The following HAS2 variants were observed in gnomAD, a reference collection of about 807,000 sequenced individuals.
The protein encoded by HAS2 is HA synthase 2.
In HAS2, 16 loss-of-function variants were observed where a neutral mutation model predicts 51.6. The ratio of observed to expected loss-of-function variants is 0.31; its 90% CI spans 0.21 to 0.47. The LOEUF is 0.47. Ranked by LOEUF, HAS2 falls within the 20% of genes least tolerant of loss-of-function variation. The probability of loss-of-function intolerance (pLI) is 1.00; values close to 1 mark genes in which losing one functional copy is unlikely to be tolerated. For synonymous variants in HAS2, 228 were observed against 235.5 expected (o/e 0.97, Z 0.29); for missense variants, 361 against 662.6 (o/e 0.54, Z 5.00).
chr8:121,637,822 C>T (rs1813032129), intron 1 of HAS2, among the ~76,000 whole-genome samples: 1 of 152,158 alleles, frequency 6.6e-6, no homozygotes. Flanking sequence ...TGTTGGCATA[C>T]CAGCTGCCAC....
intron 2 of HAS2, among the ~76,000 whole-genome samples, chr8:121,625,049 G>GAT (rs1468944926): frequency 7.6e-6 from 1 of 131,222 alleles, no homozygotes; most frequent in African/African-American, 2.9e-5. Context: ...AGTGAGCCAA[G>GAT]ATAGCGCCAC....
At chr8:121,628,623 G>A in intron 2 of HAS2, 91 bp downstream of exon 2, 1 of 1,137,732 alleles carries the variant, frequency 8.8e-7, no homozygotes, top group East Asian at 2.3e-5. Context: ...GTTCAGAAGG[G>A]ACAAGGATGG....
chr8:121,636,195 G>T (rs1345405199), intron 1 of HAS2, among the ~76,000 whole-genome samples: 2 of 152,178 alleles, frequency 1.3e-5, no homozygotes, highest in Non-Finnish European at 1.5e-5. Flanking sequence ...CAACCACTAG[G>T]TTAAAGTAAA....
In HAS2 at chr8:121,641,158, C is replaced by CTTTTTTTTTTTTTTTTTTTTTTTTTTT. The variant is rs71573616; in HGVS notation, c.-307_-306insAAAAAAAAAAAAAAAAAAAAAAAAAAA. The CTTTTTTTTTTTTTTTTTTTTTTTTTTT allele has an allele frequency of 7.0e-5, 4 of 57,016 alleles. No homozygotes were observed. Among genetic ancestry groups the CTTTTTTTTTTTTTTTTTTTTTTTTTTT allele is most frequent in the African/African-American group, 1.3e-4 (2 of 14,904 alleles). The allele number at this position is 57,016 out of a possible 1,614,324, so 3.5% of individuals were successfully genotyped here. On this transcript the variant is annotated 5_prime_UTR_variant, in exon 1 of 4. Coordinates refer to ENST00000303924, the MANE Select transcript of HAS2 (RefSeq NM_005328.3). ...TAACTTTTCTTTTTTCTTTTCTTTTCTTTTTTTTTTTTTTTTTTTTTTGGG... is the reference window on the plus strand; with the variant it reads ...TAACTTTTCTTTTTTCTTTTCTTTTCTTTTTTTTTTTTTTTTTTTTTTTTTTTTTTTTTTTTTTTTTTTTTTTTTGGG...
chr8:121,615,474 G>A (rs1213512963), intron 3 of HAS2, among the ~76,000 whole-genome samples: 2 of 152,000 alleles, frequency 1.3e-5, no homozygotes, highest in Non-Finnish European at 2.9e-5. Flanking sequence ...ACAGGTGCGC[G>A]CCACCAGGCC....
chr8:121,634,190 G>C (rs569640429), intron 1 of HAS2, among the ~76,000 whole-genome samples: 1 of 152,006 alleles, frequency 6.6e-6, no homozygotes, highest in Non-Finnish European at 1.5e-5. Context: ...TGATCCACCC[G>C]CCTCGGCCTC....
intron 1 of HAS2, among the ~76,000 whole-genome samples, chr8:121,633,183 G>A (rs1461602053): frequency 7.0e-6 from 1 of 143,332 alleles, no homozygotes; most frequent in Non-Finnish European, 1.5e-5. Flanking sequence ...TGTCACCCAG[G>A]TTCCCATGCT....
In HAS2 at chr8:121,617,216, A is replaced by C. The variant is rs1217346783; in HGVS notation, c.628-10T>G. ...TGTCTGAATCACAAACCTGCAAAGA[A>C]GCAAATGAAAAATGAGTTAAAGAAA... is the stretch of plus-strand genomic sequence containing the variant. On this transcript the variant is annotated splice_polypyrimidine_tract_variant and intron_variant, in intron 2 of 3. Transcript: ENST00000303924. 1 of 1,527,280 alleles carries C rather than the reference A, an allele frequency of 6.5e-7. No homozygotes were observed. Among genetic ancestry groups the C allele is most frequent in the African/African-American group, 1.4e-5 (1 of 72,470 alleles). The allele number at this position is 1,527,280 out of a possible 1,614,324, so 94.6% of individuals were successfully genotyped here.
At chr8:121,622,534 T>G (rs1812786998) in intron 2 of HAS2, among the ~76,000 whole-genome samples, 1 of 152,102 alleles carries the variant, frequency 6.6e-6, no homozygotes, top group Admixed American at 6.6e-5. Context: ...TAGTAATGGC[T>G]AGCTCACAGT....
intron 1 of HAS2, among the ~76,000 whole-genome samples, chr8:121,638,862 C>A (rs1420866114): frequency 6.6e-6 from 1 of 152,088 alleles, no homozygotes; most frequent in African/African-American, 2.4e-5. Flanking sequence ...TTTAAAAGTT[C>A]TTTTCAATTC....
In HAS2 at chr8:121,628,702, G is replaced by A. The variant is rs1484832499; in HGVS notation, c.627+12C>T. 2.5e-6 allele frequency: 4 copies of A among 1,608,752 alleles called. No homozygotes were observed. The Admixed American group carries it at 5.0e-5, about 20-fold the overall frequency. On this transcript the variant is annotated intron_variant, in intron 2 of 3. Transcript: ENST00000303924. ...AATGTATGTTTGCCCTGGCAGGAAT[G>A]TGGAGACCTACCTGTACATAATCCA...
Position 121,641,158 on chromosome 8 carries a change from C to CTTTTTTTTTTTTTTTTTTTTTT in HAS2, c.-328_-307dup, listed in dbSNP as rs71573616. The CTTTTTTTTTTTTTTTTTTTTTT allele has an allele frequency of 2.3e-3, 131 of 57,012 alleles. No homozygotes were observed. Among genetic ancestry groups the CTTTTTTTTTTTTTTTTTTTTTT allele is most frequent in the Non-Finnish European group, 2.9e-3 (90 of 30,850 alleles). 3.5% of individuals were successfully genotyped at this position (57,012 alleles called of 1,614,324 possible). A position where few individuals can be genotyped will look rare whatever the true frequency, so the allele number is the denominator to read the frequency against. On this transcript the variant is annotated 5_prime_UTR_variant, in exon 1 of 4. Coordinates refer to ENST00000303924, the MANE Select transcript of HAS2 (RefSeq NM_005328.3). ...TAACTTTTCTTTTTTCTTTTCTTTTCTTTTTTTTTTTTTTTTTTTTTTGGG... is the reference window on the plus strand; with the variant it reads ...TAACTTTTCTTTTTTCTTTTCTTTTCTTTTTTTTTTTTTTTTTTTTTTTTTTTTTTTTTTTTTTTTTTTTGGG...
In HAS2 at chr8:121,628,695, C is replaced by T. The variant is rs374429182; in HGVS notation, c.627+19G>A. 1.4e-5 allele frequency: 22 copies of T among 1,604,826 alleles called. No individual in the cohort carries two copies. In the African/African-American group the frequency reaches 2.7e-4, roughly 20 times the overall value. Reference sequence around the variant, plus strand: ...TTATTTAAATGTATGTTTGCCCTGGCAGGAATGTGGAGACCTACCTGTACA... The same window carrying T: ...TTATTTAAATGTATGTTTGCCCTGGTAGGAATGTGGAGACCTACCTGTACA... On this transcript the variant is annotated intron_variant, in intron 2 of 3. Transcript: ENST00000303924.
At chr8:121,623,443 T>A (rs2130439580) in intron 2 of HAS2, among the ~76,000 whole-genome samples, 1 of 152,254 alleles carries the variant, frequency 6.6e-6, no homozygotes, top group Middle Eastern at 3.4e-3. Context: ...TCAGGGAAGC[T>A]CATAATGGTG....
chr8:121,630,675 TAAATA>T (rs1812917426), intron 1 of HAS2, among the ~76,000 whole-genome samples: 1 of 152,370 alleles, frequency 6.6e-6, no homozygotes, highest in East Asian at 1.9e-4. Context: ...TTTTAAAAGC[TAAATA>T]AGTTTATTTT....
At chr8:121,628,667 G>A (rs1586507489) in intron 2 of HAS2, 47 bp downstream of exon 2, 1 of 1,566,344 alleles carries the variant, frequency 6.4e-7, no homozygotes, top group Non-Finnish European at 8.7e-7. Context: ...TACAAAAGCG[G>A]CTTTATTTAA....
intron 1 of HAS2, among the ~76,000 whole-genome samples, chr8:121,630,921 G>A (rs1018929734): frequency 1.3e-5 from 2 of 152,162 alleles, no homozygotes; most frequent in African/African-American, 4.8e-5. Flanking sequence ...GATCTGCACT[G>A]TACTTTTGGG....
intron 2 of HAS2, among the ~76,000 whole-genome samples, chr8:121,617,502 A>C (rs1230276784): frequency 6.6e-6 from 1 of 152,004 alleles, no homozygotes; most frequent in Non-Finnish European, 1.5e-5. Context: ...GATGCTCCCA[A>C]TTTTGTCAAT....
chr8:121,617,888 A>G (rs1812726387), intron 2 of HAS2, among the ~76,000 whole-genome samples: 1 of 152,096 alleles, frequency 6.6e-6, no homozygotes, highest in South Asian at 2.1e-4. Flanking sequence ...ACACCTTTTT[A>G]TTCTAAAGTA....
Sources: allele counts gnomAD v4.1 joint callset (sites outside exome capture counted in the v4.1 genomes callset), GRCh38; gene constraint gnomAD v4.1.1; transcripts MANE v1.5; gene names NCBI Gene and HGNC (gene_info 2026-07-23, HGNC 2026-07-21).